The following DPYSL3 variants were observed in gnomAD, a reference collection of about 807,000 sequenced individuals.
DPYSL3 encodes dihydropyrimidinase like 3.
DPYSL3 carries 16 observed loss-of-function variants against 66.1 expected under a neutral mutation model. That is an observed-to-expected ratio of 0.24 (90% CI 0.16 to 0.37). DPYSL3 has a LOEUF of 0.37. Among genes scored for constraint, DPYSL3 ranks in the 10% least tolerant of loss-of-function variants. DPYSL3 has a pLI of 1.00. For synonymous variants in DPYSL3, 338 were observed against 345.1 expected (o/e 0.98, Z 0.23); for missense variants, 738 against 916.2 (o/e 0.81, Z 2.51).
chr5:147,474,892 C>T (rs1295126639), intron 1 of DPYSL3, among the ~76,000 whole-genome samples: 1 of 151,904 alleles, frequency 6.6e-6, no homozygotes, highest in Admixed American at 6.6e-5. Flanking sequence ...AGAACATTTT[C>T]ATCACTCAAA....
chr5:147,509,595 C>T lies in DPYSL3; in HGVS notation c.264G>A (p.Arg88=). The change falls in exon 1 of 14, where the codon AGG becomes AGA. Residue 88 remains arginine, a synonymous_variant. Coordinates refer to ENST00000343218, the MANE Select transcript of DPYSL3 (RefSeq NM_001197294.2). The surrounding 1 kb of genome is among the most constrained non-coding windows in gnomAD (Gnocchi z 5.3). ...RPGIEGDTPR[R]GQGREESREP... ...CCCTGCTCTCTTCCCGGCCTTGGCC[C>T]CTGCGCGGGGTGTCCCCCTCGATCC... 4 of 1,535,514 alleles carry T rather than the reference C, an allele frequency of 2.6e-6. No individual in the cohort carries two copies. Among genetic ancestry groups the T allele is most frequent in the Non-Finnish European group, 3.5e-6 (4 of 1,146,646 alleles).
chr5:147,416,534 C>T (rs1317472661), intron 3 of DPYSL3, among the ~76,000 whole-genome samples: 1 of 152,140 alleles, frequency 6.6e-6, no homozygotes, highest in Non-Finnish European at 1.5e-5. Context: ...TAAACAATGG[C>T]ATCTACAGTT....
At chr5:147,485,442 A>G (rs1034854848) in intron 1 of DPYSL3, among the ~76,000 whole-genome samples, 6 of 152,198 alleles carry the variant, frequency 3.9e-5, no homozygotes, top group African/African-American at 1.2e-4. Flanking sequence ...ATCATTTTTA[A>G]TGGCTCTAGA....
intron 4 of DPYSL3, among the ~76,000 whole-genome samples, 172 bp downstream of exon 4, chr5:147,415,537 C>A (rs1751946841): frequency 6.6e-6 from 1 of 152,092 alleles, no homozygotes; most frequent in Non-Finnish European, 1.5e-5. Context: ...TCATGGGGAT[C>A]CTGTAAGAAG....
intron 7 of DPYSL3, among the ~76,000 whole-genome samples, chr5:147,408,205 G>A (rs1751762515): frequency 6.6e-6 from 1 of 152,186 alleles, no homozygotes; most frequent in Admixed American, 6.5e-5. Flanking sequence ...AGGTGAAGCT[G>A]CTGACATCTC....
intron 7 of DPYSL3, 41 bp from the exon 8 acceptor site, chr5:147,405,771 C>A: frequency 6.3e-7 from 1 of 1,584,504 alleles, no homozygotes; most frequent in Non-Finnish European, 8.6e-7. Flanking sequence ...AAACATGAAC[C>A]TCTCAAACTG....
At chr5:147,506,332 C>G (rs1295250214) in intron 1 of DPYSL3, among the ~76,000 whole-genome samples, 1 of 152,062 alleles carries the variant, frequency 6.6e-6, no homozygotes, top group South Asian at 2.1e-4. Flanking sequence ...CCTGGCCTAA[C>G]AGCAGCTTAC....
chr5:147,435,561 C>T (rs1049634671), intron 1 of DPYSL3, among the ~76,000 whole-genome samples: 4 of 152,126 alleles, frequency 2.6e-5, no homozygotes, highest in South Asian at 2.1e-4. Context: ...GGGATGCAAA[C>T]GGCTGCCAAC....
intron 2 of DPYSL3, among the ~76,000 whole-genome samples, chr5:147,422,304 C>T (rs930964322): frequency 9.9e-5 from 15 of 152,088 alleles, no homozygotes; most frequent in African/African-American, 3.6e-4. Context: ...TAATGAGATA[C>T]CATCTCACGC....
chr5:147,497,082 G>A (rs1157852222), intron 1 of DPYSL3, among the ~76,000 whole-genome samples: 1 of 152,086 alleles, frequency 6.6e-6, no homozygotes, highest in Non-Finnish European at 1.5e-5. Context: ...AAAAAATGAT[G>A]AGTTCATGTC....
At position 147,418,642 on chromosome 5, in the gene DPYSL3, A is replaced by C; in HGVS notation, c.471-11T>G. ...TTGTCTCCAATTTGTCTGGTGAAAC[A>C]AACAAACAAAAAAATGATCAAACAC... is the stretch of plus-strand genomic sequence containing the variant. On this transcript the variant is annotated splice_polypyrimidine_tract_variant and intron_variant, in intron 2 of 13. Coordinates refer to ENST00000343218, the MANE Select transcript of DPYSL3 (RefSeq NM_001197294.2). 6.4e-7 allele frequency: 1 copy of C among 1,563,828 alleles called. No individual in the cohort carries two copies. Among genetic ancestry groups the C allele is most frequent in the South Asian group, 1.2e-5 (1 of 82,834 alleles).
chr5:147,401,770 G>T, intron 8 of DPYSL3, 74 bp from the exon 9 acceptor site: 1 of 1,565,266 alleles, frequency 6.4e-7, no homozygotes, highest in Non-Finnish European at 8.7e-7. Context: ...ATTTAATTTA[G>T]CTCCTAAGCC....
rs1170157768 is a variant in DPYSL3 at position 147,392,414 on chromosome 5, A to AC, written c.*1620dup. ...AACTTATTCAAACCTGCAGTCAGAGACAATGGTTTCTCCTAAGCAATTAAA... is the reference window on the plus strand; with the variant it reads ...AACTTATTCAAACCTGCAGTCAGAGACCAATGGTTTCTCCTAAGCAATTAAA... On this transcript the variant is annotated 3_prime_UTR_variant, in exon 14 of 14. Transcript: ENST00000343218. The AC allele has an allele frequency of 6.6e-6, 1 of 152,196 alleles. No individual in the cohort carries two copies. Among genetic ancestry groups the AC allele is most frequent in the Non-Finnish European group, 1.5e-5 (1 of 68,056 alleles). 9.4% of individuals were successfully genotyped at this position (152,196 alleles called of 1,614,324 possible). A position where few individuals can be genotyped will look rare whatever the true frequency, so the allele number is the denominator to read the frequency against.
rs144389743 is a variant in DPYSL3, at chr5:147,487,518, C to A, written c.381+21960G>T. ...ACACACATACACCTGTGCCACTTTT[C>A]TTTTATTCAAGACCAGGAGTTGGCA... is the stretch of plus-strand genomic sequence containing the variant. On this transcript the variant is annotated intron_variant, in intron 1 of 13. Coordinates refer to ENST00000343218, the MANE Select transcript of DPYSL3 (RefSeq NM_001197294.2). Among the ~76,000 whole-genome samples, 60 of 152,234 alleles carry A rather than the reference C, an allele frequency of 3.9e-4. No individual in the cohort carries two copies. In the East Asian group the frequency reaches 0.011, roughly 27 times the overall value.
Position 147,394,212 on chromosome 5 carries a change from A to G in DPYSL3, c.1967-89T>C, listed in dbSNP as rs547262886. 3.0e-6 allele frequency: 4 copies of G among 1,334,562 alleles called. No individual in the cohort carries two copies. In the Admixed American group the frequency reaches 7.4e-5, roughly 25 times the overall value. 82.7% of individuals were successfully genotyped at this position (1,334,562 alleles called of 1,614,324 possible). ...GCAAGAGAGAAACTGGGTTAATTTT[A>G]AGAGTGCAAGATATGAAGTGCCTTG... On this transcript the variant is annotated intron_variant, in intron 13 of 13. Transcript: ENST00000343218.
Position 147,509,685 on chromosome 5 carries a change from C to A in DPYSL3, c.174G>T (p.Gly58=), listed in dbSNP as rs1341055143. ...KTLDFDALSV[G]QRGAKTPRSG... The stretch of plus-strand genomic sequence containing the variant: ...TCCGAGGAGTCTTCGCGCCCCGCTG[C>A]CCCACGCTGAGGGCATCGAAATCCA... The change falls in exon 1 of 14, where the codon GGG becomes GGT. Residue 58 remains glycine, a synonymous_variant. Coordinates refer to ENST00000343218, the MANE Select transcript of DPYSL3 (RefSeq NM_001197294.2). This position sits in a 1 kb window ranked among gnomAD's most constrained non-coding sequence, Gnocchi z 5.3. 2.0e-6 allele frequency: 3 copies of A among 1,535,782 alleles called. No individual in the cohort carries two copies. The highest frequency in any genetic ancestry group is 1.4e-5 in the African/African-American group (1 of 73,042).
chr5:147,487,105 C>T (rs1753345726), intron 1 of DPYSL3, among the ~76,000 whole-genome samples: 1 of 152,046 alleles, frequency 6.6e-6, no homozygotes, highest in Admixed American at 6.6e-5. Context: ...GCCACCTCTC[C>T]TTTTTTCTAG....
intron 1 of DPYSL3, among the ~76,000 whole-genome samples, chr5:147,488,908 G>A (rs1044420774): frequency 1.4e-4 from 21 of 151,730 alleles, no homozygotes; most frequent in Admixed American, 1.2e-3. Flanking sequence ...CCAGCTACTC[G>A]GGAGGCTGAG....
At chr5:147,405,586 C>T (rs777621153) in intron 8 of DPYSL3, 24 bp downstream of exon 8, 29 of 1,600,900 alleles carry the variant, frequency 1.8e-5, no homozygotes, top group African/African-American at 1.3e-4. Context: ...TCAGGGGCTC[C>T]GAGATCTTGG....
Sources: gnomAD v4.1 joint callset for allele counts (sites outside exome capture counted in the v4.1 genomes callset) on GRCh38, gnomAD v4.1.1 for gene constraint, Gnocchi (gnomAD v3.1) non-coding constraint, MANE v1.5 for transcripts, NCBI Gene and HGNC (gene_info 2026-07-23, HGNC 2026-07-21) for gene names.